Variants in RNGTT observed in about 807,000 individuals in gnomAD.
RNGTT encodes mRNA-capping enzyme.
A neutral mutation model predicts 79.3 loss-of-function variants in RNGTT; 33 were observed. That is an observed-to-expected ratio of 0.42 (90% CI 0.32 to 0.56). The LOEUF (loss-of-function observed/expected upper bound fraction) is 0.56, where lower values mean the gene tolerates loss of function less well. RNGTT is among the 20% of genes least tolerant of loss of function. The pLI is 0.17. For missense variants in RNGTT, 497 were observed against 739.1 expected, an observed-to-expected ratio of 0.67 and a Z score of 3.80; for synonymous variants, 222 against 235.9, an observed-to-expected ratio of 0.94 and a Z score of 0.54.
At chr6:88,692,051 A>G (rs2127796349) in intron 13 of RNGTT, among the ~76,000 whole-genome samples, 1 of 152,346 alleles carries the variant, frequency 6.6e-6, no homozygotes, top group African/African-American at 2.4e-5. Flanking sequence ...ACATAACTAC[A>G]TTAAAATGTA....
At chr6:88,935,501 C>T (rs1330705279) in intron 2 of RNGTT, among the ~76,000 whole-genome samples, 1 of 152,074 alleles carries the variant, frequency 6.6e-6, no homozygotes, top group East Asian at 1.9e-4. Flanking sequence ...ACTGCTTGAG[C>T]TCAGGAGTTC....
chr6:88,833,936 G>A (rs958969209), intron 11 of RNGTT, among the ~76,000 whole-genome samples: 6 of 152,120 alleles, frequency 3.9e-5, no homozygotes, highest in Non-Finnish European at 5.9e-5. Context: ...CAGGAGAATC[G>A]CTTGAACCCA....
chr6:88,688,168 T>C (rs1312737928), intron 13 of RNGTT, among the ~76,000 whole-genome samples: 3 of 152,164 alleles, frequency 2.0e-5, no homozygotes, highest in African/African-American at 7.2e-5. Flanking sequence ...TGGGTACTGG[T>C]TAGTAATTAT....
At chr6:88,618,685 G>A (rs1413522517) in intron 14 of RNGTT, among the ~76,000 whole-genome samples, 1 of 152,100 alleles carries the variant, frequency 6.6e-6, no homozygotes, top group East Asian at 1.9e-4. Flanking sequence ...AAAAAAATTT[G>A]TTGCCTGTAT....
chr6:88,668,229 C>G (rs1774494038), intron 14 of RNGTT, among the ~76,000 whole-genome samples: 1 of 152,178 alleles, frequency 6.6e-6, no homozygotes, highest in Non-Finnish European at 1.5e-5. Context: ...ACCACTCCCA[C>G]CACCATGAAG....
At chr6:88,856,368 A>G (rs1361270499) in intron 8 of RNGTT, among the ~76,000 whole-genome samples, 1 of 152,096 alleles carries the variant, frequency 6.6e-6, no homozygotes, top group Non-Finnish European at 1.5e-5. Flanking sequence ...TTTTAAATTT[A>G]ATGTTTAAAC....
intron 13 of RNGTT, among the ~76,000 whole-genome samples, chr6:88,694,037 G>T (rs1433573692): frequency 6.6e-6 from 1 of 152,070 alleles, no homozygotes; most frequent in Non-Finnish European, 1.5e-5. Context: ...CTAAGATCAG[G>T]AACAAAGCAA....
intron 13 of RNGTT, among the ~76,000 whole-genome samples, chr6:88,760,224 T>C (rs1003081420): frequency 1.9e-4 from 29 of 152,318 alleles, no homozygotes; most frequent in African/African-American, 6.5e-4. Context: ...ACTTTGATTA[T>C]GATGTTGGTT....
intron 1 of RNGTT, among the ~76,000 whole-genome samples, chr6:88,952,417 C>T (rs983044598): frequency 3.3e-5 from 5 of 152,224 alleles, no homozygotes; most frequent in Admixed American, 3.3e-4. Context: ...AATACTAACC[C>T]TGGCCAACTT....
chr6:88,773,201 T>C (rs202202006), intron 12 of RNGTT, among the ~76,000 whole-genome samples: 209 of 144,912 alleles, frequency 1.4e-3, no homozygotes, highest in East Asian at 2.9e-3. Flanking sequence ...ATCATCATTC[T>C]CAGTAAACTA....
chr6:88,875,525 T>C (rs957624471), intron 8 of RNGTT, among the ~76,000 whole-genome samples: 3 of 152,172 alleles, frequency 2.0e-5, no homozygotes, highest in African/African-American at 4.8e-5. Flanking sequence ...AATGAGGACA[T>C]GACCTGGCAA....
intron 13 of RNGTT, among the ~76,000 whole-genome samples, chr6:88,716,458 C>T (rs1562213447): frequency 6.6e-6 from 1 of 152,192 alleles, no homozygotes; most frequent in Non-Finnish European, 1.5e-5. Flanking sequence ...CCAGTCATCC[C>T]ATTACTGGGT....
chr6:88,838,060 G>C (rs1300663058), intron 11 of RNGTT, among the ~76,000 whole-genome samples: 1 of 152,074 alleles, frequency 6.6e-6, no homozygotes, highest in Non-Finnish European at 1.5e-5. Context: ...AAGTAAGAGA[G>C]TTCGATAAAT....
chr6:88,776,321 CTTT>C (rs34732511), intron 12 of RNGTT, among the ~76,000 whole-genome samples: 1,415 of 139,422 alleles, frequency 0.01, 16 homozygotes, highest in African/African-American at 0.035. Flanking sequence ...ACCTTTTGAC[CTTT>C]TTTTTTTTTT....
At chr6:88,867,870 C>T (rs1218782924) in intron 8 of RNGTT, among the ~76,000 whole-genome samples, 2 of 152,178 alleles carry the variant, frequency 1.3e-5, no homozygotes, top group African/African-American at 4.8e-5. Flanking sequence ...AAAAAAGGTT[C>T]ACCTAACAGT....
intron 14 of RNGTT, among the ~76,000 whole-genome samples, chr6:88,667,229 G>A (rs1357021416): frequency 6.6e-6 from 1 of 152,106 alleles, no homozygotes; most frequent in Non-Finnish European, 1.5e-5. Context: ...GGCAGAAGGG[G>A]GGCAAGTGAT....
At position 88,794,110 on chromosome 6, in the gene RNGTT, T is replaced by C. The variant is rs1483899218; in HGVS notation, c.1338+7454A>G. Among the ~76,000 whole-genome samples, 4 of 152,224 alleles carry C rather than the reference T, an allele frequency of 2.6e-5. No homozygotes were observed. The East Asian group carries it at 7.7e-4, about 29-fold the overall frequency. ...TCTTACAGCCTCTACATTTTACAGA[T>C]GAAAAACTGGAGAATCAAAAAGATA... On this transcript the variant is annotated intron_variant, in intron 12 of 15. Coordinates refer to ENST00000369485, the MANE Select transcript of RNGTT (RefSeq NM_003800.5).
At chr6:88,772,393 A>G (rs1340020534) in intron 12 of RNGTT, among the ~76,000 whole-genome samples, 1 of 152,190 alleles carries the variant, frequency 6.6e-6, no homozygotes, top group Non-Finnish European at 1.5e-5. Flanking sequence ...AGAAAATTCC[A>G]ACAGCGTTTT....
At chr6:88,939,641 G>A (rs529638481) in intron 2 of RNGTT, among the ~76,000 whole-genome samples, 1 of 152,066 alleles carries the variant, frequency 6.6e-6, no homozygotes, top group East Asian at 1.9e-4. Flanking sequence ...GCTGCTGAAG[G>A]ATTATGAATT....
Sources: gnomAD v4.1 joint callset for allele counts (sites outside exome capture counted in the v4.1 genomes callset) on GRCh38, gnomAD v4.1.1 for gene constraint, MANE v1.5 for transcripts, NCBI Gene and HGNC (gene_info 2026-07-23, HGNC 2026-07-21) for gene names.